ITGA8: variants seen among roughly 807,000 people sequenced by gnomAD.
ITGA8 encodes integrin alpha-8.
ITGA8 carries 91 observed loss-of-function variants against 142.3 expected under a neutral mutation model. The ratio of observed to expected loss-of-function variants is 0.64; its 90% CI spans 0.54 to 0.76. The LOEUF (loss-of-function observed/expected upper bound fraction) is 0.76. Ranked by LOEUF, ITGA8 falls within the 30% of genes least tolerant of loss-of-function variation. The pLI, the probability that ITGA8 is intolerant of heterozygous loss-of-function variation, is 0.00. For synonymous variants in ITGA8, 505 were observed against 485.2 expected (o/e 1.04, Z -0.54); for missense variants, 1,406 against 1,327.7 (o/e 1.06, Z -0.92).
At chr10:15,696,146 C>CG (rs1286424348) in intron 2 of ITGA8, among the ~76,000 whole-genome samples, 1 of 152,186 alleles carries the variant, frequency 6.6e-6, no homozygotes, top group African/African-American at 2.4e-5. Flanking sequence ...CGGGTTACCC[C>CG]GGGAGGACTG....
chr10:15,523,821 G>C (rs1833114318), intron 28 of ITGA8, among the ~76,000 whole-genome samples: 1 of 151,222 alleles, frequency 6.6e-6, no homozygotes, highest in Admixed American at 6.6e-5. Flanking sequence ...AGTCTCGGCT[G>C]CTCAGGAGGC....
At chr10:15,672,563 A>G (rs1261363367) in intron 7 of ITGA8, 61 bp downstream of exon 7, 14 of 1,544,264 alleles carry the variant, frequency 9.1e-6, no homozygotes, top group African/African-American at 8.3e-5. Context: ...TAAAACTTGC[A>G]TCTACATTTA....
chr10:15,578,586 G>A, intron 23 of ITGA8, among the ~76,000 whole-genome samples: 1 of 152,094 alleles, frequency 6.6e-6, no homozygotes, highest in East Asian at 1.9e-4. Flanking sequence ...TGAGGATTTG[G>A]TAGTGTGCTG....
chr10:15,551,488 T>G (rs1833792298), intron 26 of ITGA8, among the ~76,000 whole-genome samples: 1 of 151,954 alleles, frequency 6.6e-6, no homozygotes, highest in South Asian at 2.1e-4. Flanking sequence ...GGCTGGAAGC[T>G]GGGCAATGAA....
At chr10:15,627,007 G>A (rs1306525748) in intron 13 of ITGA8, among the ~76,000 whole-genome samples, 1 of 152,118 alleles carries the variant, frequency 6.6e-6, no homozygotes, top group Non-Finnish European at 1.5e-5. Context: ...CCCTATACTG[G>A]ACACCCTCAT....
intron 8 of ITGA8, among the ~76,000 whole-genome samples, chr10:15,670,328 C>G (rs960075131): frequency 6.6e-6 from 1 of 152,150 alleles, no homozygotes; most frequent in Non-Finnish European, 1.5e-5. Context: ...CTCATGCAAT[C>G]TTCAGAACAT....
intron 23 of ITGA8, among the ~76,000 whole-genome samples, chr10:15,581,393 CT>C (rs1834404703): frequency 1.3e-5 from 2 of 152,300 alleles, no homozygotes; most frequent in African/African-American, 4.8e-5. Context: ...GTGTTTGGTC[CT>C]TTTCCAGATT....
intron 28 of ITGA8, among the ~76,000 whole-genome samples, chr10:15,524,337 A>G (rs1833126102): frequency 2.0e-5 from 3 of 152,220 alleles, no homozygotes. Context: ...CGTGCAGAGG[A>G]GATGCTTGAC....
chr10:15,683,614 A>C, intron 4 of ITGA8, among the ~76,000 whole-genome samples: 1 of 152,252 alleles, frequency 6.6e-6, no homozygotes, highest in East Asian at 1.9e-4. Flanking sequence ...AGAAATCTCA[A>C]GTTGAACATA....
chr10:15,688,944 C>A (rs923110432), intron 2 of ITGA8, among the ~76,000 whole-genome samples: 2 of 152,190 alleles, frequency 1.3e-5, no homozygotes, highest in Non-Finnish European at 2.9e-5. Context: ...GGAACAAATG[C>A]TCACTCTCCC....
intron 1 of ITGA8, 48 bp downstream of exon 1, chr10:15,719,515 G>C: frequency 6.8e-7 from 1 of 1,475,734 alleles, no homozygotes; most frequent in Non-Finnish European, 8.9e-7. Context: ...GACCTGACCC[G>C]GGAGCGCCTT....
intron 27 of ITGA8, among the ~76,000 whole-genome samples, chr10:15,545,377 C>T (rs1391939574): frequency 6.6e-6 from 1 of 152,238 alleles, no homozygotes; most frequent in African/African-American, 2.4e-5. Flanking sequence ...GATTAATCCA[C>T]CACCATTTCC....
intron 28 of ITGA8, among the ~76,000 whole-genome samples, chr10:15,528,620 C>T (rs1833225470): frequency 6.6e-6 from 1 of 151,612 alleles, no homozygotes; most frequent in Admixed American, 6.6e-5. Context: ...AGGCTGTCAC[C>T]TGTGGCCAGT....
At chr10:15,671,100 C>T (rs915010330) in intron 8 of ITGA8, among the ~76,000 whole-genome samples, 1 of 152,132 alleles carries the variant, frequency 6.6e-6, no homozygotes, top group African/African-American at 2.4e-5. Flanking sequence ...ACAACAGCCA[C>T]AGCAAAGCAG....
chr10:15,639,967 C>G (rs951321143), intron 13 of ITGA8, among the ~76,000 whole-genome samples: 3 of 152,128 alleles, frequency 2.0e-5, no homozygotes, highest in Admixed American at 1.3e-4. Flanking sequence ...TGTGCAAACC[C>G]TTATCAACTC....
intron 8 of ITGA8, among the ~76,000 whole-genome samples, chr10:15,661,782 G>A (rs1241940961): frequency 6.6e-6 from 1 of 152,188 alleles, no homozygotes; most frequent in Non-Finnish European, 1.5e-5. Context: ...AGCAGTAGGA[G>A]GGCAGGGGAA....
At chr10:15,562,515 A>T (rs995917520) in intron 25 of ITGA8, among the ~76,000 whole-genome samples, 1 of 152,196 alleles carries the variant, frequency 6.6e-6, no homozygotes, top group Non-Finnish European at 1.5e-5. Context: ...GCAGGAAAGA[A>T]GGTATGGCCA....
intron 12 of ITGA8, among the ~76,000 whole-genome samples, chr10:15,645,092 CAAAAAA>C (rs1168510743): frequency 6.4e-5 from 3 of 46,790 alleles, no homozygotes; most frequent in African/African-American, 8.4e-5. Flanking sequence ...GACTCTGTCT[CAAAAAA>C]AAAAAAAAAA....
intron 28 of ITGA8, among the ~76,000 whole-genome samples, chr10:15,524,208 C>G (rs972803537): frequency 1.3e-5 from 2 of 152,182 alleles, no homozygotes; most frequent in African/African-American, 4.8e-5. Context: ...TTCCTTCACC[C>G]TTGTTGTTTT....
Sources: allele counts gnomAD v4.1 joint callset (sites outside exome capture counted in the v4.1 genomes callset), GRCh38; gene constraint gnomAD v4.1.1; transcripts MANE v1.5; gene names NCBI Gene and HGNC (gene_info 2026-07-23, HGNC 2026-07-21).